LY96: variants seen among roughly 807,000 people sequenced by gnomAD.
The protein encoded by LY96 is myeloid differentiation protein-2.
In LY96, 18 loss-of-function variants were observed where a neutral mutation model predicts 18.9. The observed-to-expected ratio is 0.95, with a 90% confidence interval of 0.66 to 1.41. The LOEUF (loss-of-function observed/expected upper bound fraction) is 1.41, where lower values mean the gene tolerates loss of function less well. LY96 is among the 40% of genes most tolerant of loss of function. The probability of loss-of-function intolerance (pLI) is 0.00; values close to 1 mark genes in which losing one functional copy is unlikely to be tolerated. For synonymous variants in LY96, 66 were observed against 62.6 expected (o/e 1.06, Z -0.26); for missense variants, 175 against 182.4 (o/e 0.96, Z 0.23).
chr8:74,008,570 G>C (rs1287228209), intron 2 of LY96, among the ~76,000 whole-genome samples: 1 of 152,232 alleles, frequency 6.6e-6, no homozygotes, highest in Non-Finnish European at 1.5e-5. Context: ...CATGAAGGCA[G>C]CGCGGTAATG....
intron 3 of LY96, among the ~76,000 whole-genome samples, chr8:74,020,042 T>C (rs1455484137): frequency 6.6e-6 from 1 of 152,130 alleles, no homozygotes; most frequent in African/African-American, 2.4e-5. Flanking sequence ...CCACTCCTAC[T>C]CAACATAGTG....
At chr8:74,086,758 C>T in the LY96 span, among the ~76,000 whole-genome samples, 14 of 152,150 alleles carry the variant, frequency 9.2e-5, no homozygotes, top group Admixed American at 2.6e-4. Context: ...ACAGCCCTGC[C>T]GAATGGGATT....
chr8:74,049,881 C>T, the LY96 span, among the ~76,000 whole-genome samples: 7 of 152,218 alleles, frequency 4.6e-5, no homozygotes, highest in East Asian at 1.9e-4. Flanking sequence ...AGCCCGGCAT[C>T]GTGGTGTGCA....
chr8:74,063,933 C>T, the LY96 span, among the ~76,000 whole-genome samples: 3 of 152,126 alleles, frequency 2.0e-5, no homozygotes, highest in Non-Finnish European at 2.9e-5. Flanking sequence ...CTCTCCAATC[C>T]TTGTGACTTT....
chr8:74,056,608 C>G, the LY96 span: 2 of 156,698 alleles, frequency 1.3e-5, no homozygotes, highest in African/African-American at 4.8e-5. Flanking sequence ...GAAGGTTGAA[C>G]GAGCAGATAG....
chr8:74,066,361 A>T, the LY96 span, among the ~76,000 whole-genome samples: 1 of 152,044 alleles, frequency 6.6e-6, no homozygotes, highest in East Asian at 1.9e-4. Flanking sequence ...TTAAGTTTCA[A>T]CATGAATTTT....
At chr8:74,054,563 T>TTCCTTC in the LY96 span, among the ~76,000 whole-genome samples, 275 of 87,692 alleles carry the variant, frequency 3.1e-3, no homozygotes, top group African/African-American at 0.013. Flanking sequence ...TTCCTTCCTT[T>TTCCTTC]CTTCCCTCCC....
chr8:74,017,190 G>A (rs539246810), intron 3 of LY96, among the ~76,000 whole-genome samples: 1 of 152,290 alleles, frequency 6.6e-6, no homozygotes, highest in South Asian at 2.1e-4. Context: ...AGAATAAACA[G>A]TGTAGAGAAG....
chr8:74,012,736 A>G (rs1041842442), intron 3 of LY96, among the ~76,000 whole-genome samples: 1 of 152,170 alleles, frequency 6.6e-6, no homozygotes, highest in Non-Finnish European at 1.5e-5. Context: ...TAATAAAATT[A>G]TGTGTAATTT....
chr8:74,075,851 T>C, the LY96 span, among the ~76,000 whole-genome samples: 2 of 152,148 alleles, frequency 1.3e-5, no homozygotes, highest in Admixed American at 6.5e-5. Flanking sequence ...ATGAGAACTG[T>C]TGCAAATTGG....
At chr8:74,075,975 A>G in the LY96 span, among the ~76,000 whole-genome samples, 2 of 152,176 alleles carry the variant, frequency 1.3e-5, no homozygotes, top group African/African-American at 2.4e-5. Context: ...CAGTCCTGGC[A>G]AAACCTTGGC....
the LY96 span, among the ~76,000 whole-genome samples, chr8:74,063,919 C>T: frequency 6.6e-6 from 1 of 152,064 alleles, no homozygotes; most frequent in African/African-American, 2.4e-5. Context: ...AGTTTAGTTT[C>T]ATCCTCTCCA....
chr8:74,040,832 A>T, the LY96 span, among the ~76,000 whole-genome samples: 3 of 150,950 alleles, frequency 2.0e-5, no homozygotes, highest in African/African-American at 7.3e-5. Context: ...CCTCCCACGT[A>T]GCTAGGACTA....
chr8:74,070,342 C>T, the LY96 span, among the ~76,000 whole-genome samples: 729 of 152,168 alleles, frequency 4.8e-3, 6 homozygotes, highest in Non-Finnish European at 8.3e-3. Flanking sequence ...CCGCCCGCCT[C>T]GGCCTCCCGA....
chr8:74,079,410 A>G, the LY96 span: 2 of 152,186 alleles, frequency 1.3e-5, no homozygotes, highest in African/African-American at 4.8e-5. Flanking sequence ...CTAATACACC[A>G]TCTTCAGGTA....
At chr8:74,092,247 A>G in the LY96 span, among the ~76,000 whole-genome samples, 7 of 152,268 alleles carry the variant, frequency 4.6e-5, no homozygotes, top group East Asian at 1.2e-3. Flanking sequence ...AAGTCTGTTC[A>G]TTTTATCAGA....
At chr8:74,054,309 T>C in the LY96 span, among the ~76,000 whole-genome samples, 1 of 151,868 alleles carries the variant, frequency 6.6e-6, no homozygotes. Context: ...ATTACAGGCA[T>C]GAGCAACCGT....
At chr8:74,050,641 G>T in the LY96 span, among the ~76,000 whole-genome samples, 1 of 151,860 alleles carries the variant, frequency 6.6e-6, no homozygotes, top group Non-Finnish European at 1.5e-5. Context: ...TTTTCATATT[G>T]TTGCTAATTA....
chr8:74,015,980 G>A (rs1043511658), intron 3 of LY96, among the ~76,000 whole-genome samples: 1 of 152,230 alleles, frequency 6.6e-6, no homozygotes, highest in Non-Finnish European at 1.5e-5. Context: ...ATTTCCAACT[G>A]AGGTACCTGG....
Sources: allele counts gnomAD v4.1 joint callset (sites outside exome capture counted in the v4.1 genomes callset), GRCh38; gene constraint gnomAD v4.1.1; transcripts MANE v1.5; gene names NCBI Gene and HGNC (gene_info 2026-07-23, HGNC 2026-07-21).